The following APOBEC3F variants were observed in gnomAD, a reference collection of about 807,000 sequenced individuals.
APOBEC3F encodes the protein DNA dC->dU-editing enzyme APOBEC-3F.
A neutral mutation model predicts 45.8 loss-of-function variants in APOBEC3F; 34 were observed. That is an observed-to-expected ratio of 0.74 (90% CI 0.57 to 0.99). APOBEC3F has a LOEUF of 0.99. Among genes scored for constraint, APOBEC3F ranks in the 50% least tolerant of loss-of-function variants. APOBEC3F has a pLI of 0.00. For missense variants in APOBEC3F, 459 were observed against 474.1 expected, an observed-to-expected ratio of 0.97 and a Z score of 0.30; for synonymous variants, 192 against 174.4, an observed-to-expected ratio of 1.10 and a Z score of -0.80.
chr22:39,049,399 T>C, intron 4 of APOBEC3F, 26 bp from the exon 5 acceptor site: 3 of 1,612,150 alleles, frequency 1.9e-6, no homozygotes, highest in South Asian at 1.1e-5. Context: ...GGTCTCTGCA[T>C]TGGGGTTTCT....
intron 4 of APOBEC3F, among the ~76,000 whole-genome samples, chr22:39,047,498 A>C (rs1927279987): frequency 6.6e-6 from 1 of 152,140 alleles, no homozygotes; most frequent in Non-Finnish European, 1.5e-5. Context: ...GTGCACATGA[A>C]GCCCCAGATC....
chr22:39,055,217 C>T lies in APOBEC3F; in HGVS notation c.*2522C>T, dbSNP rs1381997062. On this transcript the variant is annotated 3_prime_UTR_variant, in exon 7 of 7. Coordinates refer to ENST00000308521, the MANE Select transcript of APOBEC3F (RefSeq NM_145298.6). Reference sequence around the variant, plus strand: ...CCTCCTGAGTAGCTGGGACTACAGGCGTGTGCCACCACGCCTGGCTAATTT... The same window carrying T: ...CCTCCTGAGTAGCTGGGACTACAGGTGTGTGCCACCACGCCTGGCTAATTT... 2.0e-5 allele frequency among the ~76,000 whole-genome samples: 3 copies of T among 147,726 alleles called. No individual in the cohort carries two copies. Among genetic ancestry groups the T allele is most frequent in the Non-Finnish European group, 4.5e-5 (3 of 67,004 alleles).
chr22:39,042,714 C>T (rs2146339803), intron 1 of APOBEC3F, among the ~76,000 whole-genome samples: 1 of 152,172 alleles, frequency 6.6e-6, no homozygotes, highest in South Asian at 2.1e-4. Context: ...AGAGCTGGAC[C>T]CTGAGCTGGA....
rs1227760121 is a variant in APOBEC3F, at chr22:39,055,632, T to C, written c.*2937T>C. ...AGAAGGAAGCAAAAAGTTAGAAAGA[T>C]GCAGAAGTAAGATCAATGGCCAGAC... On this transcript the variant is annotated 3_prime_UTR_variant, in exon 7 of 7. Coordinates refer to ENST00000308521, the MANE Select transcript of APOBEC3F (RefSeq NM_145298.6). Among the ~76,000 whole-genome samples the C allele has an allele frequency of 2.0e-5, 3 of 152,220 alleles. No individual in the cohort carries two copies. Among genetic ancestry groups the C allele is most frequent in the Non-Finnish European group, 2.9e-5 (2 of 68,036 alleles).
At chr22:39,048,439 C>T (rs1927324126) in intron 4 of APOBEC3F, among the ~76,000 whole-genome samples, 1 of 152,132 alleles carries the variant, frequency 6.6e-6, no homozygotes, top group African/African-American at 2.4e-5. Context: ...CTTTGGGAGG[C>T]TGAGTCGGGC....
intron 4 of APOBEC3F, among the ~76,000 whole-genome samples, chr22:39,046,467 C>T (rs1927225851): frequency 6.6e-6 from 1 of 152,086 alleles, no homozygotes; most frequent in South Asian, 2.1e-4. Flanking sequence ...GACCTTGCTG[C>T]ACCCTGGGCC....
At chr22:39,046,475 G>A (rs34610137) in intron 4 of APOBEC3F, among the ~76,000 whole-genome samples, 2,687 of 152,066 alleles carry the variant, frequency 0.018, 40 homozygotes, top group Middle Eastern at 0.027. Flanking sequence ...TGCACCCTGG[G>A]CCCCACCCCA....
intron 4 of APOBEC3F, among the ~76,000 whole-genome samples, chr22:39,047,247 C>G (rs541694244): frequency 3.3e-5 from 5 of 152,150 alleles, no homozygotes; most frequent in Admixed American, 1.3e-4. Flanking sequence ...CACTCTCCCT[C>G]CCTACCACAT....
intron 5 of APOBEC3F, among the ~76,000 whole-genome samples, chr22:39,051,708 T>C (rs570450551): frequency 1.3e-5 from 2 of 151,862 alleles, no homozygotes; most frequent in African/African-American, 4.8e-5. Context: ...TCGCAGAGTT[T>C]TGGGAGGGTG....
intron 1 of APOBEC3F, among the ~76,000 whole-genome samples, chr22:39,041,963 C>G (rs1223342813): frequency 6.6e-6 from 1 of 152,226 alleles, no homozygotes; most frequent in Admixed American, 6.5e-5. Context: ...AGAAGAGAGT[C>G]TGGTCCCCAA....
chr22:39,045,462 T>C lies in APOBEC3F; in HGVS notation c.486T>C (p.Ser162=). ...ACTGCTGGGAAAACTTTGTGTACAG[T>C]GAAGGTCAGCCATTCATGCCTTGGT... The part of the protein sequence containing the change: ...FAYCWENFVY[S]EGQPFMPWYK... Residue 162 remains serine, a synonymous_variant, in exon 4 of 7, where the codon AGT becomes AGC. Coordinates refer to ENST00000308521, the MANE Select transcript of APOBEC3F (RefSeq NM_145298.6). 1 of 1,614,128 alleles carries C rather than the reference T, an allele frequency of 6.2e-7. No individual in the cohort carries two copies.
intron 1 of APOBEC3F, 68 bp downstream of exon 1, chr22:39,041,045 G>C (rs1442031407): frequency 6.4e-7 from 1 of 1,552,632 alleles, no homozygotes; most frequent in African/African-American, 1.4e-5. Flanking sequence ...TCTGCTGGGC[G>C]TCAGCCCTGG....
chr22:39,042,792 C>A, intron 1 of APOBEC3F, 145 bp from the exon 2 acceptor site: 1 of 1,277,710 alleles, frequency 7.8e-7, no homozygotes, highest in Non-Finnish European at 1.1e-6. Context: ...GGTCTTCCTG[C>A]CTGGGAAGGA....
intron 5 of APOBEC3F, among the ~76,000 whole-genome samples, chr22:39,050,682 TGC>T (rs1363153375): frequency 6.6e-6 from 1 of 151,870 alleles, no homozygotes; most frequent in Non-Finnish European, 1.5e-5. Context: ...GATTTTGAAA[TGC>T]GCTGTGTATT....
Position 39,055,446 on chromosome 22 carries a change from G to A in APOBEC3F, c.*2751G>A, listed in dbSNP as rs1927659939. 1.3e-5 allele frequency among the ~76,000 whole-genome samples: 2 copies of A among 150,430 alleles called. No individual in the cohort carries two copies. Among genetic ancestry groups the A allele is most frequent in the South Asian group, 4.2e-4 (2 of 4,782 alleles). On this transcript the variant is annotated 3_prime_UTR_variant, in exon 7 of 7. Coordinates refer to ENST00000308521, the MANE Select transcript of APOBEC3F (RefSeq NM_145298.6). The stretch of plus-strand genomic sequence containing the variant: ...CTAAATAGCAGAATCACTGCTCACT[G>A]CAACCTCTGCCTGCTGGGTTCAAGC...
chr22:39,049,726 GTCTC>G, intron 5 of APOBEC3F, 145 bp downstream of exon 5: 1 of 1,000,564 alleles, frequency 1.0e-6, no homozygotes, highest in Non-Finnish European at 1.4e-6. Flanking sequence ...TTGAGACAGA[GTCTC>G]ACTCAGTCAC....
intron 1 of APOBEC3F, among the ~76,000 whole-genome samples, 188 bp downstream of exon 1, chr22:39,041,165 T>G (rs1926868110): frequency 6.6e-6 from 1 of 151,642 alleles, no homozygotes; most frequent in Non-Finnish European, 1.5e-5. Context: ...CACTGCTGCT[T>G]CTGAATAGGC....
chr22:39,044,786 ACAAT>A (rs1025106977), intron 2 of APOBEC3F, among the ~76,000 whole-genome samples, 151 bp from the exon 3 acceptor site: 1 of 151,950 alleles, frequency 6.6e-6, no homozygotes, highest in Non-Finnish European at 1.5e-5. Flanking sequence ...TTTGGAGCAG[ACAAT>A]CACTCAAACT....
At position 39,045,555 on chromosome 22, in the gene APOBEC3F, C is replaced by G; in HGVS notation, c.566+13C>G. 6.2e-7 allele frequency: 1 copy of G among 1,613,990 alleles called. No individual in the cohort carries two copies. The highest frequency in any genetic ancestry group is 8.5e-7 in the Non-Finnish European group (1 of 1,179,902). ...AGGAGATTCTCAGGTGAGGGTCTCC[C>G]TCTGGCCTCATCGTCTGTCTCCTCT... On this transcript the variant is annotated intron_variant, in intron 4 of 6. Coordinates refer to ENST00000308521, the MANE Select transcript of APOBEC3F (RefSeq NM_145298.6).
Sources: gnomAD v4.1 joint callset for allele counts (sites outside exome capture counted in the v4.1 genomes callset) on GRCh38, gnomAD v4.1.1 for gene constraint, MANE v1.5 for transcripts, NCBI Gene and HGNC (gene_info 2026-07-23, HGNC 2026-07-21) for gene names.